Variants in CTNNA3 observed in about 807,000 individuals in gnomAD.
CTNNA3 encodes catenin alpha-3.
A neutral mutation model predicts 95.7 loss-of-function variants in CTNNA3; 76 were observed. The observed-to-expected ratio is 0.79, with a 90% CI of 0.66 to 0.96. The LOEUF is 0.96. Among genes scored for constraint, CTNNA3 ranks in the 40% least tolerant of loss-of-function variants. The pLI is 0.00. For missense variants in CTNNA3, 1,191 were observed against 1,089.8 expected (o/e 1.09, Z -1.31); for synonymous variants, 431 against 374.4 (o/e 1.15, Z -1.74).
At chr10:67,004,226 AAAAGTTTC>A (rs1311245829) in intron 7 of CTNNA3, among the ~76,000 whole-genome samples, 1 of 152,206 alleles carries the variant, frequency 6.6e-6, no homozygotes, top group Non-Finnish European at 1.5e-5. Context: ...ATTTCTACAA[AAAAGTTTC>A]AGAGAAAGAT....
At chr10:66,175,701 T>A (rs1476337912) in intron 13 of CTNNA3, among the ~76,000 whole-genome samples, 1 of 152,190 alleles carries the variant, frequency 6.6e-6, no homozygotes, top group African/African-American at 2.4e-5. Context: ...AGCTAATCTT[T>A]CTGCAGATTA....
chr10:66,719,422 G>C (rs1848555540), intron 9 of CTNNA3, among the ~76,000 whole-genome samples: 1 of 152,086 alleles, frequency 6.6e-6, no homozygotes, highest in African/African-American at 2.4e-5. Flanking sequence ...CTACATTTTA[G>C]GAGCAAAAGA....
chr10:65,956,372 TTG>T (rs1380729320), intron 17 of CTNNA3, among the ~76,000 whole-genome samples: 2 of 152,232 alleles, frequency 1.3e-5, no homozygotes, highest in Non-Finnish European at 2.9e-5. Flanking sequence ...GAAGGGTTTT[TTG>T]TGTCTCTGTT....
At chr10:66,772,081 G>T (rs1427643987) in intron 8 of CTNNA3, among the ~76,000 whole-genome samples, 1 of 152,032 alleles carries the variant, frequency 6.6e-6, no homozygotes, top group Non-Finnish European at 1.5e-5. Context: ...TATTTGAGCG[G>T]GAGGTGATGC....
At chr10:66,039,609 G>A (rs1262190007) in intron 15 of CTNNA3, among the ~76,000 whole-genome samples, 1 of 152,118 alleles carries the variant, frequency 6.6e-6, no homozygotes, top group African/African-American at 2.4e-5. Flanking sequence ...GGACAAAGCT[G>A]ACAAAAACAG....
chr10:67,181,255 C>A (rs1454927179), intron 6 of CTNNA3, among the ~76,000 whole-genome samples: 3 of 152,028 alleles, frequency 2.0e-5, no homozygotes, highest in African/African-American at 7.2e-5. Flanking sequence ...TTATAACTTC[C>A]AGCTATTTCC....
chr10:66,701,713 C>T, intron 9 of CTNNA3, among the ~76,000 whole-genome samples: 1 of 152,048 alleles, frequency 6.6e-6, no homozygotes, highest in Non-Finnish European at 1.5e-5. Flanking sequence ...CCTTGCAAAG[C>T]TAAGTTTTGA....
intron 5 of CTNNA3, among the ~76,000 whole-genome samples, chr10:67,520,782 A>G (rs1046147908): frequency 1.3e-4 from 20 of 152,194 alleles, no homozygotes; most frequent in African/African-American, 4.1e-4. Flanking sequence ...CTAGAACACA[A>G]TTCTCTTTTT....
intron 1 of CTNNA3, chr10:67,648,602 A>C (rs1839789287): frequency 1.4e-6 from 1 of 716,786 alleles, no homozygotes. Context: ...TTTGCCTTGA[A>C]AAAATAATTA....
chr10:67,141,509 G>T (rs1424251135), intron 7 of CTNNA3, among the ~76,000 whole-genome samples: 1 of 152,118 alleles, frequency 6.6e-6, no homozygotes, highest in African/African-American at 2.4e-5. Flanking sequence ...ATGTGACAAT[G>T]ACCAAGTCAA....
At chr10:66,443,156 G>A (rs1024356515) in intron 11 of CTNNA3, among the ~76,000 whole-genome samples, 2 of 152,162 alleles carry the variant, frequency 1.3e-5, no homozygotes, top group African/African-American at 4.8e-5. Flanking sequence ...CAAAGCAGCG[G>A]GGAAGCTCGA....
intron 7 of CTNNA3, among the ~76,000 whole-genome samples, chr10:66,921,493 C>T (rs1296165290): frequency 1.3e-5 from 2 of 152,176 alleles, no homozygotes; most frequent in Non-Finnish European, 2.9e-5. Flanking sequence ...CCTCCATGAC[C>T]TCCATCTCCA....
chr10:65,977,161 T>G lies in CTNNA3; in HGVS notation c.2266-10415A>C, dbSNP rs1589205005. Among the ~76,000 whole-genome samples, 4 of 152,224 alleles carry G rather than the reference T, an allele frequency of 2.6e-5. No individual in the cohort carries two copies. In the South Asian group the frequency reaches 6.2e-4, roughly 24 times the overall value. On this transcript the variant is annotated intron_variant, in intron 16 of 17. Transcript: ENST00000433211. ...TTTTAAAAGAATACTATTAGGGACT[T>G]TTCCAGAACATCTACTTAGTTCCTT...
Position 67,539,558 on chromosome 10 carries a change from A to T in CTNNA3, c.404T>A (p.Leu135His). ...ARALLAAVTRLLILADMIDVM... is the reference protein window; with the variant it reads ...ARALLAAVTRHLILADMIDVM... ...ATCAATCATGTCCGCAAGGATAAGG[A>T]GTCTCGTCACCGCAGCCAGCAAGGC... Residue 135 changes from leucine to histidine, a missense_variant, in exon 4 of 18, where the codon CTC becomes CAC. Coordinates refer to ENST00000433211, the MANE Select transcript of CTNNA3 (RefSeq NM_013266.4). 6.2e-7 allele frequency: 1 copy of T among 1,613,826 alleles called. No homozygotes were observed. Among genetic ancestry groups the T allele is most frequent in the Non-Finnish European group, 8.5e-7 (1 of 1,179,798 alleles).
At chr10:66,186,358 A>G (rs2086346544) in intron 13 of CTNNA3, among the ~76,000 whole-genome samples, 1 of 152,006 alleles carries the variant, frequency 6.6e-6, no homozygotes, top group Admixed American at 6.6e-5. Flanking sequence ...ATTTTAAAGT[A>G]AAAATTCAAC....
chr10:67,592,326 CTGG>C (rs1842814491), intron 3 of CTNNA3, among the ~76,000 whole-genome samples: 1 of 152,096 alleles, frequency 6.6e-6, no homozygotes, highest in African/African-American at 2.4e-5. Flanking sequence ...TGCTGAACTG[CTGG>C]AGCAAAATAG....
intron 9 of CTNNA3, among the ~76,000 whole-genome samples, chr10:66,760,837 C>T (rs935516034): frequency 1.1e-4 from 16 of 152,004 alleles, no homozygotes; most frequent in Non-Finnish European, 7.4e-5. Flanking sequence ...GCAGTCACAC[C>T]GGTGTGCTCT....
intron 10 of CTNNA3, among the ~76,000 whole-genome samples, chr10:66,547,510 T>A (rs1164422395): frequency 6.6e-6 from 1 of 151,028 alleles, no homozygotes; most frequent in Non-Finnish European, 1.5e-5. Context: ...GCCCAGTTAA[T>A]TTTTTGTATT....
At chr10:66,040,670 A>C (rs1208175909) in intron 15 of CTNNA3, among the ~76,000 whole-genome samples, 1 of 152,134 alleles carries the variant, frequency 6.6e-6, no homozygotes, top group Non-Finnish European at 1.5e-5. Context: ...GTGGAAGTTA[A>C]ATGAGGAGAA....
Sources: allele counts gnomAD v4.1 joint callset (sites outside exome capture counted in the v4.1 genomes callset), GRCh38; gene constraint gnomAD v4.1.1; transcripts MANE v1.5; gene names NCBI Gene and HGNC (gene_info 2026-07-23, HGNC 2026-07-21).